Variants in CSMD1 observed in about 807,000 individuals in gnomAD.
The protein encoded by CSMD1 is CUB and Sushi multiple domains 1, also known as CUB and sushi domain-containing protein 1.
Under a neutral mutation model 417.5 loss-of-function variants are expected in CSMD1, and 213 were observed. The ratio of observed to expected loss-of-function variants is 0.51; its 90% CI spans 0.46 to 0.57. The LOEUF is 0.57. CSMD1 is among the 20% of genes least tolerant of loss of function. The pLI is 0.00. For missense variants in CSMD1, 6,923 were observed against 4,529.7 expected (o/e 1.53, Z -15.17); for synonymous variants, 2,862 against 1,736.8 (o/e 1.65, Z -16.11).
intron 3 of CSMD1, among the ~76,000 whole-genome samples, chr8:4,236,949 T>G (rs538337686): frequency 6.6e-6 from 1 of 152,330 alleles, no homozygotes; most frequent in East Asian, 1.9e-4. Flanking sequence ...AAGTTCAGTT[T>G]CCTCAGGAAG....
chr8:4,009,479 G>C (rs2130424960), intron 4 of CSMD1, among the ~76,000 whole-genome samples: 1 of 152,260 alleles, frequency 6.6e-6, no homozygotes, highest in South Asian at 2.1e-4. Flanking sequence ...TCAAACCATA[G>C]GGTCATCAAA....
chr8:3,574,914 T>C, intron 10 of CSMD1, 31 bp downstream of exon 10: 2 of 1,609,202 alleles, frequency 1.2e-6, no homozygotes, highest in Non-Finnish European at 1.7e-6. Flanking sequence ...GCTGTGTGCA[T>C]TAACCACAGG....
chr8:3,581,437 C>T (rs1440051391), intron 9 of CSMD1, among the ~76,000 whole-genome samples: 1 of 152,218 alleles, frequency 6.6e-6, no homozygotes, highest in Non-Finnish European at 1.5e-5. Context: ...CCCCCGTTCT[C>T]AGAGCTAATT....
Position 3,767,119 on chromosome 8 carries a change from G to A in CSMD1, c.819-13077C>T, listed in dbSNP as rs181098772. On this transcript the variant is annotated intron_variant, in intron 5 of 69. Transcript: ENST00000635120. ...CTCACTCAAGTACAGTAGCCGTGGG[G>A]TTCCGCTGAGGCTGCTGTGTCTCCA... is the stretch of plus-strand genomic sequence containing the variant. Among the ~76,000 whole-genome samples, 199 of 152,328 alleles carry A rather than the reference G, an allele frequency of 1.3e-3. 2 individuals are homozygous for A. Among genetic ancestry groups the A allele is most frequent in the Non-Finnish European group, 2.9e-4 (20 of 68,032 alleles).
chr8:4,730,250 T>G (rs1017736734), intron 1 of CSMD1, among the ~76,000 whole-genome samples: 2 of 152,078 alleles, frequency 1.3e-5, no homozygotes, highest in Non-Finnish European at 2.9e-5. Context: ...TATATATATA[T>G]ACTTTTTTAT....
intron 2 of CSMD1, among the ~76,000 whole-genome samples, chr8:4,446,276 G>T (rs559586527): frequency 6.6e-6 from 1 of 152,188 alleles, no homozygotes. Context: ...AGCTGGGAGT[G>T]GTGGCTCATG....
intron 3 of CSMD1, among the ~76,000 whole-genome samples, chr8:4,251,876 G>A (rs1803105702): frequency 6.7e-6 from 1 of 149,406 alleles, no homozygotes; most frequent in East Asian, 2.0e-4. Context: ...AGAGGGTGGA[G>A]GAAGAGGGGA....
At chr8:4,912,244 G>C (rs1805738386) in intron 1 of CSMD1, among the ~76,000 whole-genome samples, 1 of 151,978 alleles carries the variant, frequency 6.6e-6, no homozygotes, top group African/African-American at 2.4e-5. Context: ...AGCTACCACT[G>C]AAATTATTGG....
intron 15 of CSMD1, among the ~76,000 whole-genome samples, chr8:3,401,294 C>T (rs1262467845): frequency 2.6e-5 from 4 of 151,900 alleles, no homozygotes; most frequent in Non-Finnish European, 5.9e-5. Context: ...AATACATAAC[C>T]AACCAAAAGT....
chr8:4,126,581 G>C (rs1040691017), intron 3 of CSMD1, among the ~76,000 whole-genome samples: 3 of 152,142 alleles, frequency 2.0e-5, no homozygotes, highest in Non-Finnish European at 4.4e-5. Context: ...CTGGGGACGG[G>C]CCACCTTCTG....
At position 4,846,202 on chromosome 8, in the gene CSMD1, G is replaced by C. The variant is rs558168065; in HGVS notation, c.85+148130C>G. Among the ~76,000 whole-genome samples the C allele has an allele frequency of 7.9e-5, 12 of 152,210 alleles. No individual in the cohort carries two copies. In the East Asian group the frequency reaches 1.7e-3, roughly 22 times the overall value. On this transcript the variant is annotated intron_variant, in intron 1 of 69. Coordinates refer to ENST00000635120, the MANE Select transcript of CSMD1 (RefSeq NM_033225.6). ...CACCAAAGTACCAACACATGTCCAG[G>C]ATCTTTTTTTTCTTTTTGACCTGTA...
intron 3 of CSMD1, among the ~76,000 whole-genome samples, chr8:4,275,857 C>G (rs573288826): frequency 1.3e-5 from 2 of 152,130 alleles, no homozygotes; most frequent in Admixed American, 6.6e-5. Context: ...TGTTATTCCA[C>G]AAGGCATGAA....
chr8:4,460,474 A>G (rs1186498651), intron 2 of CSMD1, among the ~76,000 whole-genome samples: 1 of 152,186 alleles, frequency 6.6e-6, no homozygotes, highest in Non-Finnish European at 1.5e-5. Flanking sequence ...CAAATATTCT[A>G]GTGAGAATAA....
At chr8:2,950,975 G>T in intron 66 of CSMD1, 139 bp downstream of exon 66, 2 of 709,732 alleles carry the variant, frequency 2.8e-6, no homozygotes, top group South Asian at 3.3e-5. Context: ...GCTAGGGAGA[G>T]GCTCCAATGA....
chr8:4,541,473 C>T (rs1390394128), intron 2 of CSMD1, among the ~76,000 whole-genome samples: 4 of 152,122 alleles, frequency 2.6e-5, no homozygotes, highest in Admixed American at 6.5e-5. Context: ...AATCGGTAGG[C>T]GTCGTGGCTC....
chr8:3,735,147 C>G (rs1010213165), intron 6 of CSMD1, among the ~76,000 whole-genome samples: 1 of 152,238 alleles, frequency 6.6e-6, no homozygotes, highest in Non-Finnish European at 1.5e-5. Context: ...TTTCCTTCAG[C>G]TGATACATTC....
At chr8:3,221,718 A>G (rs1229735608) in intron 28 of CSMD1, among the ~76,000 whole-genome samples, 3 of 152,016 alleles carry the variant, frequency 2.0e-5, no homozygotes, top group Non-Finnish European at 2.9e-5. Context: ...ACAGCATGCC[A>G]AAGCCTGACT....
At chr8:4,626,696 G>T (rs1321617593) in intron 2 of CSMD1, among the ~76,000 whole-genome samples, 1 of 152,044 alleles carries the variant, frequency 6.6e-6, no homozygotes, top group Non-Finnish European at 1.5e-5. Context: ...CTCTTGCAAA[G>T]ACGTCTCCCC....
chr8:3,586,083 G>GCCA (rs534610952), intron 9 of CSMD1, 53 bp downstream of exon 9: 35 of 1,565,386 alleles, frequency 2.2e-5, no homozygotes, highest in Non-Finnish European at 2.9e-5. Flanking sequence ...TCATAAAAAT[G>GCCA]CCAACCTTAA....
Sources: gnomAD v4.1 joint callset for allele counts (sites outside exome capture counted in the v4.1 genomes callset) on GRCh38, gnomAD v4.1.1 for gene constraint, MANE v1.5 for transcripts, NCBI Gene and HGNC (gene_info 2026-07-23, HGNC 2026-07-21) for gene names.